MAML3: variants seen among roughly 807,000 people sequenced by gnomAD.
MAML3 encodes mastermind-like protein 3.
MAML3 carries 27 observed loss-of-function variants against 101.9 expected under a neutral mutation model. The ratio of observed to expected loss-of-function variants is 0.27; its 90% CI spans 0.20 to 0.37. The LOEUF (loss-of-function observed/expected upper bound fraction) is 0.37. Ranked by LOEUF, MAML3 falls within the 10% of genes least tolerant of loss-of-function variation. The pLI, the probability that MAML3 is intolerant of heterozygous loss-of-function variation, is 1.00. For missense variants in MAML3, 1,316 were observed against 1,444.9 expected (o/e 0.91, Z 1.45); for synonymous variants, 501 against 555.9 (o/e 0.90, Z 1.39).
At chr4:140,013,404 T>C (rs577638466) in intron 1 of MAML3, among the ~76,000 whole-genome samples, 184 of 152,300 alleles carry the variant, frequency 1.2e-3, no homozygotes, top group African/African-American at 4.1e-3. Flanking sequence ...ATTTTCTACA[T>C]TTTTCCATAA....
intron 1 of MAML3, among the ~76,000 whole-genome samples, chr4:139,891,310 G>A (rs1732493284): frequency 6.6e-6 from 1 of 152,144 alleles, no homozygotes; most frequent in African/African-American, 2.4e-5. Context: ...ATGGAGTCTT[G>A]CTCTGTTGCC....
Position 140,004,090 on chromosome 4 carries a change from G to A in MAML3, c.469-113123C>T, listed in dbSNP as rs146979980. On this transcript the variant is annotated intron_variant, in intron 1 of 4. Transcript: ENST00000509479. ...AAGCCCTTAATGCTTTACTTTGCAC[G>A]AGACAGAATGTGGATTAGCGTGTTT... 6.4e-3 allele frequency among the ~76,000 whole-genome samples: 968 copies of A among 152,316 alleles called. 7 individuals are homozygous for A. Among genetic ancestry groups the A allele is most frequent in the Non-Finnish European group, 0.011 (730 of 68,026 alleles).
At chr4:140,136,427 C>T (rs1728883322) in intron 1 of MAML3, among the ~76,000 whole-genome samples, 1 of 152,110 alleles carries the variant, frequency 6.6e-6, no homozygotes, top group African/African-American at 2.4e-5. Context: ...ATAATTTAAC[C>T]CAGGGAGAAA....
intron 2 of MAML3, among the ~76,000 whole-genome samples, chr4:139,849,756 G>A (rs1056339160): frequency 6.6e-6 from 1 of 152,148 alleles, no homozygotes; most frequent in African/African-American, 2.4e-5. Flanking sequence ...TGTCATGTTT[G>A]CTCTATCCTA....
chr4:139,759,426 C>T (rs748511822), intron 2 of MAML3, among the ~76,000 whole-genome samples: 3 of 152,202 alleles, frequency 2.0e-5, no homozygotes, highest in Non-Finnish European at 4.4e-5. Flanking sequence ...TCCACCCTGC[C>T]CTTGCCCCAG....
At chr4:140,092,104 G>GTATA (rs1416440469) in intron 1 of MAML3, among the ~76,000 whole-genome samples, 13 of 79,164 alleles carry the variant, frequency 1.6e-4, no homozygotes, top group Non-Finnish European at 2.6e-4. Context: ...ATATATATAC[G>GTATA]TATATATATA....
chr4:139,849,470 G>A (rs1380620705), intron 2 of MAML3, among the ~76,000 whole-genome samples: 2 of 152,316 alleles, frequency 1.3e-5, no homozygotes, highest in East Asian at 3.9e-4. Context: ...GACAAGATCT[G>A]ACCTCAAAGC....
rs189061199 is a variant in MAML3, at chr4:140,045,384, G to A, written c.468+107476C>T. Among the ~76,000 whole-genome samples the A allele has an allele frequency of 6.9e-3, 744 of 107,502 alleles. 7 individuals carry two copies. The highest frequency in any genetic ancestry group is 0.023 in the African/African-American group (715 of 30,430). 70.5% of individuals were successfully genotyped at this position (107,502 alleles called of 152,430 possible). A position where few individuals can be genotyped will look rare whatever the true frequency, so the allele number is the denominator to read the frequency against. On this transcript the variant is annotated intron_variant, in intron 1 of 4. Coordinates refer to ENST00000509479, the MANE Select transcript of MAML3 (RefSeq NM_018717.5). ...CACTTCAGCCTGGGCGACAGAGCAA[G>A]ACTCCAACTCAAAAAAAAAAAAAAA...
chr4:139,850,802 C>G (rs1253628289), intron 2 of MAML3, among the ~76,000 whole-genome samples: 1 of 151,874 alleles, frequency 6.6e-6, no homozygotes, highest in East Asian at 1.9e-4. Flanking sequence ...CCTCAGCCTC[C>G]CAATGTATAT....
At chr4:139,959,187 G>C (rs906171820) in intron 1 of MAML3, among the ~76,000 whole-genome samples, 1 of 152,194 alleles carries the variant, frequency 6.6e-6, no homozygotes, top group African/African-American at 2.4e-5. Context: ...CCTAGATGAA[G>C]AAAGGCAGTT....
chr4:139,901,510 A>G (rs1422188731), intron 1 of MAML3, among the ~76,000 whole-genome samples: 1 of 152,254 alleles, frequency 6.6e-6, no homozygotes, highest in Non-Finnish European at 1.5e-5. Flanking sequence ...CTATTCAAAC[A>G]TGCTTGTATA....
At chr4:139,807,659 C>T (rs931844488) in intron 2 of MAML3, among the ~76,000 whole-genome samples, 3 of 152,216 alleles carry the variant, frequency 2.0e-5, no homozygotes, top group African/African-American at 7.2e-5. Flanking sequence ...GGAAAACACA[C>T]TGCTTTTACA....
At chr4:140,134,891 C>G (rs556871493) in intron 1 of MAML3, among the ~76,000 whole-genome samples, 8 of 152,332 alleles carry the variant, frequency 5.3e-5, no homozygotes, top group Non-Finnish European at 1.2e-4. Flanking sequence ...AGCCCCTCCT[C>G]ATGGAGTGTG....
At chr4:139,935,140 AG>A (rs1245536081) in intron 1 of MAML3, among the ~76,000 whole-genome samples, 6 of 151,500 alleles carry the variant, frequency 4.0e-5, no homozygotes, top group Non-Finnish European at 8.8e-5. Flanking sequence ...AGCAAGGCAC[AG>A]AACACAGCCG....
At chr4:139,778,854 G>A (rs1162751392) in intron 2 of MAML3, among the ~76,000 whole-genome samples, 4 of 151,934 alleles carry the variant, frequency 2.6e-5, no homozygotes, top group Non-Finnish European at 5.9e-5. Context: ...GTGGTGGCAG[G>A]CACCTGTAGT....
intron 1 of MAML3, among the ~76,000 whole-genome samples, chr4:139,968,755 T>C (rs188221002): frequency 6.6e-5 from 10 of 152,174 alleles, no homozygotes; most frequent in Admixed American, 6.5e-4. Context: ...TTAACTACCA[T>C]CTCTCAGTAA....
At chr4:139,930,200 C>T (rs547526586) in intron 1 of MAML3, among the ~76,000 whole-genome samples, 1 of 152,174 alleles carries the variant, frequency 6.6e-6, no homozygotes, top group Non-Finnish European at 1.5e-5. Context: ...ATGAAAGTAC[C>T]ACGTGGAAGA....
chr4:139,813,604 A>T (rs756990167), intron 2 of MAML3, among the ~76,000 whole-genome samples: 3 of 152,188 alleles, frequency 2.0e-5, no homozygotes, highest in Non-Finnish European at 4.4e-5. Context: ...CAAGGCCCCA[A>T]ATTTTACTTC....
intron 2 of MAML3, among the ~76,000 whole-genome samples, chr4:139,856,938 A>C (rs1299633433): frequency 6.6e-6 from 1 of 152,220 alleles, no homozygotes; most frequent in Admixed American, 6.5e-5. Context: ...GTGGTTCTGA[A>C]TTTTAATTGT....
Sources: gnomAD v4.1 joint callset for allele counts (sites outside exome capture counted in the v4.1 genomes callset) on GRCh38, gnomAD v4.1.1 for gene constraint, MANE v1.5 for transcripts, NCBI Gene and HGNC (gene_info 2026-07-23, HGNC 2026-07-21) for gene names.